The following AGK variants were observed in gnomAD, a reference collection of about 807,000 sequenced individuals.
AGK encodes the protein acylglycerol kinase.
AGK carries 52 observed loss-of-function variants against 66.4 expected under a neutral mutation model. That is an observed-to-expected ratio of 0.78 (90% CI 0.63 to 0.99). AGK has a LOEUF of 0.99. AGK is among the 50% of genes least tolerant of loss of function. The probability of loss-of-function intolerance (pLI) is 0.00; values close to 1 mark genes in which losing one functional copy is unlikely to be tolerated. For synonymous variants in AGK, 182 were observed against 181.1 expected (o/e 1.00, Z -0.04); for missense variants, 451 against 506.6 (o/e 0.89, Z 1.05).
intron 2 of AGK, among the ~76,000 whole-genome samples, chr7:141,577,533 T>C (rs898413434): frequency 2.0e-5 from 3 of 152,122 alleles, no homozygotes; most frequent in Non-Finnish European, 2.9e-5. Flanking sequence ...ATGGAATTTA[T>C]TGGGCAAAAA....
chr7:141,595,886 C>T (rs941350891), intron 3 of AGK, among the ~76,000 whole-genome samples: 3 of 152,176 alleles, frequency 2.0e-5, no homozygotes, highest in Admixed American at 1.3e-4. Context: ...TTGATCAACT[C>T]TGTGACTTTC....
At position 141,641,848 on chromosome 7, in the gene AGK, T is replaced by C. The variant is rs1797298212; in HGVS notation, c.915T>C (p.Asp305=). The stretch of plus-strand genomic sequence containing the variant: ...AGGTGAGCCCGGAGGTCTGGAAAGA[T>C]GTGCAGCTGTCCACCATTGAACTGT... ...SQEVSPEVWK[D]VQLSTIELSI... Residue 305 remains aspartate, a synonymous_variant, in exon 13 of 16, where the codon GAT becomes GAC. Coordinates refer to ENST00000649286, the MANE Select transcript of AGK (RefSeq NM_018238.4). 1.9e-6 allele frequency: 3 copies of C among 1,586,838 alleles called. No homozygotes were observed. The highest frequency in any genetic ancestry group is 4.5e-5 in the East Asian group (2 of 44,182).
intron 13 of AGK, among the ~76,000 whole-genome samples, chr7:141,644,397 G>A (rs561386103): frequency 2.6e-4 from 40 of 152,220 alleles, no homozygotes; most frequent in African/African-American, 7.0e-4. Context: ...CATTTGTTTC[G>A]TTTTTGCACA....
intron 3 of AGK, among the ~76,000 whole-genome samples, 191 bp from the exon 4 acceptor site, chr7:141,596,371 G>T (rs1182990238): frequency 6.6e-6 from 1 of 151,964 alleles, no homozygotes; most frequent in African/African-American, 2.4e-5. Context: ...ACAGCTTATT[G>T]TCATTAAATA....
chr7:141,600,896 G>C (rs1796326013), intron 4 of AGK, among the ~76,000 whole-genome samples: 1 of 152,166 alleles, frequency 6.6e-6, no homozygotes, highest in Non-Finnish European at 1.5e-5. Flanking sequence ...ATTGTTGCCT[G>C]AATGGAACCA....
chr7:141,565,448 C>T (rs1795447528), intron 2 of AGK, among the ~76,000 whole-genome samples: 3 of 152,118 alleles, frequency 2.0e-5, no homozygotes, highest in Non-Finnish European at 2.9e-5. Context: ...GTCAGGAGTT[C>T]GAGACCAGCC....
chr7:141,604,308 A>C (rs1431662700), intron 5 of AGK, among the ~76,000 whole-genome samples: 1 of 149,112 alleles, frequency 6.7e-6, no homozygotes, highest in African/African-American at 2.5e-5. Flanking sequence ...TTAACATTTT[A>C]CCATGTTTAC....
chr7:141,569,958 C>A (rs1408575446), intron 2 of AGK, among the ~76,000 whole-genome samples: 1 of 152,230 alleles, frequency 6.6e-6, no homozygotes, highest in East Asian at 1.9e-4. Flanking sequence ...GGGTTTAAGT[C>A]TTGCCTTTGC....
intron 2 of AGK, among the ~76,000 whole-genome samples, chr7:141,561,391 C>T (rs921140008): frequency 2.0e-5 from 3 of 152,144 alleles, no homozygotes; most frequent in Admixed American, 6.5e-5. Context: ...CCACCAGCAG[C>T]GTAAGTGTTC....
At chr7:141,633,835 A>C in intron 9 of AGK, 66 bp from the exon 10 acceptor site, 2 of 1,373,316 alleles carry the variant, frequency 1.5e-6, no homozygotes, top group Non-Finnish European at 2.1e-6. Context: ...TTTGCTGAGT[A>C]CTTAGATGTA....
intron 2 of AGK, among the ~76,000 whole-genome samples, chr7:141,574,535 A>G (rs1293804066): frequency 6.6e-6 from 1 of 152,216 alleles, no homozygotes; most frequent in Non-Finnish European, 1.5e-5. Context: ...GGCTTCCTCC[A>G]CTTCCATTTC....
At chr7:141,594,816 C>T (rs1432234745) in intron 3 of AGK, among the ~76,000 whole-genome samples, 1 of 152,080 alleles carries the variant, frequency 6.6e-6, no homozygotes, top group Non-Finnish European at 1.5e-5. Flanking sequence ...CCAAGCCTGG[C>T]TAATTTTTGT....
intron 6 of AGK, among the ~76,000 whole-genome samples, chr7:141,612,668 TC>T (rs1796615936): frequency 1.3e-5 from 2 of 152,176 alleles, no homozygotes; most frequent in Admixed American, 6.5e-5. Context: ...TCTGTATTCC[TC>T]TCAATTTTGC....
Position 141,654,496 on chromosome 7 carries a change from T to TA in AGK, c.*1574dup, listed in dbSNP as rs1554406222. Reference sequence around the variant, plus strand: ...GAATTATTAATGATGATCTATCAACTAACAAACAACTTGATTAGATTCTCC... The same window carrying TA: ...GAATTATTAATGATGATCTATCAACTAAACAAACAACTTGATTAGATTCTCC... On this transcript the variant is annotated 3_prime_UTR_variant, in exon 16 of 16. Coordinates refer to ENST00000649286, the MANE Select transcript of AGK (RefSeq NM_018238.4). 4.6e-5 allele frequency: 7 copies of TA among 152,386 alleles called. No individual in the cohort carries two copies. The South Asian group carries it at 1.4e-3, about 32-fold the overall frequency. 9.4% of individuals were successfully genotyped at this position (152,386 alleles called of 1,614,324 possible). A position where few individuals can be genotyped will look rare whatever the true frequency, so the allele number is the denominator to read the frequency against.
At chr7:141,608,859 G>A in intron 5 of AGK, among the ~76,000 whole-genome samples, 1 of 152,164 alleles carries the variant, frequency 6.6e-6, no homozygotes, top group East Asian at 1.9e-4. Flanking sequence ...ATCTACTAAT[G>A]TAGCTAATCT....
chr7:141,565,607 C>T (rs902531067), intron 2 of AGK, among the ~76,000 whole-genome samples: 1 of 151,642 alleles, frequency 6.6e-6, no homozygotes, highest in Non-Finnish European at 1.5e-5. Flanking sequence ...TACCACTGCA[C>T]TGCCTGGGTG....
chr7:141,585,790 A>G (rs1460384710), intron 2 of AGK, among the ~76,000 whole-genome samples: 1 of 152,226 alleles, frequency 6.6e-6, no homozygotes, highest in Non-Finnish European at 1.5e-5. Flanking sequence ...AGCCTCAGGC[A>G]GAGTGACATC....
At position 141,651,553 on chromosome 7, in the gene AGK, C is replaced by T. The variant is rs1797558221; in HGVS notation, c.1075C>T (p.His359Tyr). The change falls in exon 15 of 16, where the codon CAC becomes TAC. Residue 359 changes from histidine to tyrosine, a missense_variant. Physicochemically the swap from His to Tyr is moderately conservative, Grantham distance 83. Coordinates refer to ENST00000649286, the MANE Select transcript of AGK (RefSeq NM_018238.4). The stretch of plus-strand genomic sequence containing the variant: ...TCGAAAGGTGAGAAACCCCAAGCTG[C>T]ACGTGGAGGGCACGGAGTGTCTCCA... ...GSRKVRNPKL[H>Y]VEGTECLQAS... The T allele has an allele frequency of 6.2e-7, 1 of 1,614,234 alleles. No homozygotes were observed. Among genetic ancestry groups the T allele is most frequent in the Admixed American group, 1.7e-5 (1 of 60,026 alleles).
At chr7:141,623,295 C>T (rs991993810) in intron 9 of AGK, among the ~76,000 whole-genome samples, 2 of 150,910 alleles carry the variant, frequency 1.3e-5, no homozygotes, top group Non-Finnish European at 2.9e-5. Context: ...AGGAGAATCA[C>T]TTGAACCCGG....
Sources: allele counts gnomAD v4.1 joint callset (sites outside exome capture counted in the v4.1 genomes callset), GRCh38; gene constraint gnomAD v4.1.1; transcripts MANE v1.5; gene names NCBI Gene and HGNC (gene_info 2026-07-23, HGNC 2026-07-21).